MAST2: variants seen among roughly 807,000 people sequenced by gnomAD.
The protein encoded by MAST2 is microtubule-associated serine/threonine-protein kinase 2.
A neutral mutation model predicts 147.4 loss-of-function variants in MAST2; 70 were observed. That is an observed-to-expected ratio of 0.47 (90% CI 0.39 to 0.58). The LOEUF is 0.58. Ranked by LOEUF, MAST2 falls within the 20% of genes least tolerant of loss-of-function variation. MAST2 has a pLI of 0.00. For missense variants in MAST2, 2,080 were observed against 2,302.3 expected (o/e 0.90, Z 1.98); for synonymous variants, 869 against 896.8 (o/e 0.97, Z 0.55).
chr1:46,009,357 C>T (rs1043200029), intron 9 of MAST2, among the ~76,000 whole-genome samples: 1 of 152,126 alleles, frequency 6.6e-6, no homozygotes, highest in African/African-American at 2.4e-5. Flanking sequence ...TGTACCTGGC[C>T]CCATTTGCAT....
chr1:45,996,268 G>T (rs913505774), intron 5 of MAST2, among the ~76,000 whole-genome samples: 36 of 151,710 alleles, frequency 2.4e-4, no homozygotes, highest in African/African-American at 8.5e-4. Flanking sequence ...GGGTAGTTTT[G>T]GGAACCAACA....
chr1:45,850,672 C>T (rs1050372902), intron 3 of MAST2, among the ~76,000 whole-genome samples: 1 of 152,006 alleles, frequency 6.6e-6, no homozygotes, highest in Non-Finnish European at 1.5e-5. Flanking sequence ...TCTGCATGTG[C>T]CTAGCCAGCT....
intron 5 of MAST2, among the ~76,000 whole-genome samples, chr1:45,986,286 A>G (rs1370237294): frequency 1.3e-5 from 2 of 152,182 alleles, no homozygotes; most frequent in East Asian, 1.9e-4. Flanking sequence ...TGAGATGATT[A>G]TATGTTTTTT....
chr1:45,919,825 T>C (rs745612917), intron 4 of MAST2, among the ~76,000 whole-genome samples: 13 of 151,836 alleles, frequency 8.6e-5, no homozygotes, highest in Non-Finnish European at 1.8e-4. Context: ...CTTACTAACA[T>C]GTGTGGTCAC....
At chr1:45,888,871 G>A (rs1210680664) in intron 4 of MAST2, among the ~76,000 whole-genome samples, 3 of 150,924 alleles carry the variant, frequency 2.0e-5, no homozygotes, top group Admixed American at 6.6e-5. Flanking sequence ...TAGTAGAGAC[G>A]GGGTTTCACC....
At chr1:45,911,447 A>G (rs543343010) in intron 4 of MAST2, among the ~76,000 whole-genome samples, 2 of 152,280 alleles carry the variant, frequency 1.3e-5, no homozygotes, top group African/African-American at 4.8e-5. Flanking sequence ...GCTCTTCAAT[A>G]TATGCAGAGC....
chr1:45,968,577 G>A (rs1473708889), intron 5 of MAST2, among the ~76,000 whole-genome samples: 2 of 151,192 alleles, frequency 1.3e-5, no homozygotes, highest in Non-Finnish European at 2.9e-5. Flanking sequence ...TCTTGTCTTC[G>A]CTCCTCTGAA....
At chr1:45,872,182 C>CGTATA (rs1646420361) in intron 3 of MAST2, among the ~76,000 whole-genome samples, 1 of 152,146 alleles carries the variant, frequency 6.6e-6, no homozygotes, top group Non-Finnish European at 1.5e-5. Context: ...GATCAATATA[C>CGTATA]GTATAGTGTG....
At chr1:45,958,879 C>T (rs927626674) in intron 4 of MAST2, among the ~76,000 whole-genome samples, 2 of 152,060 alleles carry the variant, frequency 1.3e-5, no homozygotes, top group Non-Finnish European at 2.9e-5. Context: ...GTGGAAAGCC[C>T]GTTTATAGAA....
At chr1:45,824,648 T>C (rs1486213867) in intron 2 of MAST2, 68 bp downstream of exon 2, 5 of 1,370,794 alleles carry the variant, frequency 3.6e-6, no homozygotes, top group Non-Finnish European at 3.9e-6. Context: ...TGTATATTAA[T>C]TGAATTGGCA....
chr1:45,902,739 A>G (rs1649994720), intron 4 of MAST2, among the ~76,000 whole-genome samples: 1 of 151,836 alleles, frequency 6.6e-6, no homozygotes, highest in Non-Finnish European at 1.5e-5. Flanking sequence ...GAATTTATTC[A>G]TGTCTTCTAG....
At chr1:45,888,239 TTAAA>T (rs1369128795) in intron 4 of MAST2, among the ~76,000 whole-genome samples, 1 of 152,234 alleles carries the variant, frequency 6.6e-6, no homozygotes, top group Non-Finnish European at 1.5e-5. Context: ...CTCTAGCTTA[TTAAA>T]TGGTACTGCT....
intron 16 of MAST2, among the ~76,000 whole-genome samples, chr1:46,027,513 G>A (rs1158648507): frequency 6.6e-6 from 1 of 152,160 alleles, no homozygotes; most frequent in East Asian, 1.9e-4. Flanking sequence ...TTGTGGGAAT[G>A]GGCAAAAGGC....
chr1:45,852,612 C>T (rs1457059053), intron 3 of MAST2, among the ~76,000 whole-genome samples: 1 of 151,578 alleles, frequency 6.6e-6, no homozygotes, highest in Non-Finnish European at 1.5e-5. Flanking sequence ...CTCAAGTGAT[C>T]CTCCTCCCTC....
At chr1:45,876,507 A>G (rs1042272763) in intron 3 of MAST2, among the ~76,000 whole-genome samples, 2 of 152,190 alleles carry the variant, frequency 1.3e-5, no homozygotes, top group Admixed American at 6.5e-5. Flanking sequence ...TGATATTGTA[A>G]TGTATTACCA....
At chr1:45,889,906 A>G (rs1647436796) in intron 4 of MAST2, among the ~76,000 whole-genome samples, 1 of 152,028 alleles carries the variant, frequency 6.6e-6, no homozygotes, top group Non-Finnish European at 1.5e-5. Context: ...GGTGCGCTCC[A>G]CCACGCTGAG....
chr1:45,816,902 C>A (rs1007840619), intron 1 of MAST2, among the ~76,000 whole-genome samples: 5 of 152,178 alleles, frequency 3.3e-5, no homozygotes, highest in Non-Finnish European at 7.3e-5. Context: ...TGGTCTCGAT[C>A]TCCTGACCTC....
chr1:46,015,791 T>C (rs982978602), intron 10 of MAST2, among the ~76,000 whole-genome samples: 3 of 152,056 alleles, frequency 2.0e-5, no homozygotes, highest in South Asian at 2.1e-4. Context: ...TTCCAATCAA[T>C]AGAAAAAGAG....
rs761257749 is a variant in MAST2, at chr1:46,030,708, C to T, written c.2655C>T (p.Gly885=). ...LSEEKEDHSD[G]LAGLKGRDRS... Reference sequence around the variant, plus strand: ...AGGAGAAGGAGGACCATTCAGATGGCCTGGCAGGGCTCAAAGGCCGAGACC... The same window carrying T: ...AGGAGAAGGAGGACCATTCAGATGGTCTGGCAGGGCTCAAAGGCCGAGACC... Residue 885 remains glycine, a synonymous_variant, in exon 22 of 29, where the codon GGC becomes GGT. Transcript: ENST00000361297. The T allele has an allele frequency of 6.2e-7, 1 of 1,603,686 alleles. No homozygotes were observed. The highest frequency in any genetic ancestry group is 1.1e-5 in the South Asian group (1 of 89,280).
Sources: allele counts gnomAD v4.1 joint callset (sites outside exome capture counted in the v4.1 genomes callset), GRCh38; gene constraint gnomAD v4.1.1; transcripts MANE v1.5; gene names NCBI Gene and HGNC (gene_info 2026-07-23, HGNC 2026-07-21).